Variants in TM9SF2 observed in about 807,000 individuals in gnomAD.
TM9SF2 encodes 76 kDa membrane protein.
A neutral mutation model predicts 84.9 loss-of-function variants in TM9SF2; 13 were observed. The ratio of observed to expected loss-of-function variants is 0.15; its 90% CI spans 0.10 to 0.24. TM9SF2 has a LOEUF of 0.24. TM9SF2 is among the 10% of genes least tolerant of loss of function. The probability of loss-of-function intolerance (pLI) is 1.00; values close to 1 mark genes in which losing one functional copy is unlikely to be tolerated. For missense variants in TM9SF2, 562 were observed against 818.5 expected, an observed-to-expected ratio of 0.69 and a Z score of 3.82; for synonymous variants, 273 against 285.8, an observed-to-expected ratio of 0.96 and a Z score of 0.45.
chr13:99,541,628 G>A lies in TM9SF2; in HGVS notation c.978G>A (p.Leu326=). The change falls in exon 9 of 17, where the codon CTG becomes CTA. Residue 326 remains leucine, a synonymous_variant. Transcript: ENST00000376387. ...GMVAMIMLRT[L]HKDIARYNQM... is the part of the protein sequence containing the mutation. ...TAGCTATGATTATGTTACGGACACTGCACAAAGATATTGCTAGATATAATC... is the reference window on the plus strand; with the variant it reads ...TAGCTATGATTATGTTACGGACACTACACAAAGATATTGCTAGATATAATC... 1 of 1,612,782 alleles carries A rather than the reference G, an allele frequency of 6.2e-7. No homozygotes were observed.
In TM9SF2 at chr13:99,501,673, C is replaced by T; in HGVS notation, c.67C>T (p.Leu23=). The change falls in exon 1 of 17, where the codon CTG becomes TTG. Residue 23 remains leucine, a synonymous_variant. Coordinates refer to ENST00000376387, the MANE Select transcript of TM9SF2 (RefSeq NM_004800.3). ...WPRLLLLSLL[L]LGAVPGPRRS... is the part of the protein sequence containing the mutation. ...GCGGCTGTTGCTGCTGTCGCTGCTC[C>T]TGCTGGGGGCGGTTCCTGGCCCGCG... The T allele has an allele frequency of 6.2e-7, 1 of 1,613,304 alleles. No individual in the cohort carries two copies. The highest frequency in any genetic ancestry group is 8.5e-7 in the Non-Finnish European group (1 of 1,179,774).
rs758367816 is a variant in TM9SF2 at position 99,501,754 on chromosome 13, G to A, written c.148G>A (p.Glu50Lys). ...GLAPVNFCDE[E>K]KKSDECKAEI... ...GGCGCCCGTCAACTTCTGCGACGAA[G>A]AAAAAAAGAGCGACGAGTGCAAGGT... Residue 50 changes from glutamate to lysine, a missense_variant, in exon 1 of 17, where the codon GAA (glutamate) becomes AAA (lysine). Glu to Lys is a moderately conservative substitution (Grantham distance 56). Around this residue, in one of 4 missense-constraint regions of TM9SF2, gnomAD observed 267 missense variants for 316.7 expected, o/e 0.84. Coordinates refer to ENST00000376387, the MANE Select transcript of TM9SF2 (RefSeq NM_004800.3). 1.9e-6 allele frequency: 3 copies of A among 1,608,934 alleles called. No individual in the cohort carries two copies. Among genetic ancestry groups the A allele is most frequent in the Non-Finnish European group, 8.5e-7 (1 of 1,178,748 alleles).
At chr13:99,533,043 A>G (rs1594053601) in intron 4 of TM9SF2, among the ~76,000 whole-genome samples, 2 of 152,336 alleles carry the variant, frequency 1.3e-5, no homozygotes, top group South Asian at 2.1e-4. Flanking sequence ...GACCTATTTC[A>G]GAGAGATTTT....
At position 99,501,474 on chromosome 13, in the gene TM9SF2, C is replaced by T. The variant is rs917379499; in HGVS notation, c.-133C>T. The T allele has an allele frequency of 2.3e-4, 279 of 1,195,066 alleles. 1 individual carries two copies. Among genetic ancestry groups the T allele is most frequent in the Middle Eastern group, 3.0e-4 (1 of 3,376 alleles). 74.0% of individuals were successfully genotyped at this position (1,195,066 alleles called of 1,614,324 possible). A position where few individuals can be genotyped will look rare whatever the true frequency, so the allele number is the denominator to read the frequency against. On this transcript the variant is annotated 5_prime_UTR_variant, in exon 1 of 17. Coordinates refer to ENST00000376387, the MANE Select transcript of TM9SF2 (RefSeq NM_004800.3). ...TTGCGGGACCCGGGGTGTCTCCTAG[C>T]GCAACCGGAACTAGCCTTCTGGGGG...
Position 99,562,838 on chromosome 13 carries a change from G to C in TM9SF2, c.*80G>C. ...AGACCTGTTTTTGTGACTGCCTTGA[G>C]TTTTATCAGAATTATTGGCCTAGTA... On this transcript the variant is annotated 3_prime_UTR_variant, in exon 17 of 17. Transcript: ENST00000376387. The C allele has an allele frequency of 7.3e-7, 1 of 1,372,748 alleles. No individual in the cohort carries two copies. Among genetic ancestry groups the C allele is most frequent in the Non-Finnish European group, 1.0e-6 (1 of 978,272 alleles). 85.0% of individuals were successfully genotyped at this position (1,372,748 alleles called of 1,614,324 possible).
intron 15 of TM9SF2, among the ~76,000 whole-genome samples, chr13:99,556,728 C>T (rs1230729919): frequency 3.9e-5 from 6 of 152,146 alleles, no homozygotes; most frequent in Admixed American, 2.6e-4. Context: ...GGACTACAGG[C>T]GCCTGCCACC....
chr13:99,519,907 G>A, intron 2 of TM9SF2, 129 bp from the exon 3 acceptor site: 1 of 670,056 alleles, frequency 1.5e-6, no homozygotes, highest in South Asian at 2.2e-5. Flanking sequence ...TTGGAGTATG[G>A]ATAGATTTCT....
At chr13:99,531,502 C>T (rs576557862) in intron 4 of TM9SF2, among the ~76,000 whole-genome samples, 231 of 152,190 alleles carry the variant, frequency 1.5e-3, no homozygotes, top group Non-Finnish European at 2.5e-3. Flanking sequence ...CCCCACCCAA[C>T]CCCCATATGC....
At chr13:99,560,040 G>C (rs543253372) in intron 16 of TM9SF2, among the ~76,000 whole-genome samples, 1 of 152,050 alleles carries the variant, frequency 6.6e-6, no homozygotes, top group East Asian at 1.9e-4. Context: ...GTATTTTATT[G>C]GTATTTATTT....
Position 99,501,720 on chromosome 13 carries a change from G to A in TM9SF2, c.114G>A (p.Leu38=), listed in dbSNP as rs756622886. The A allele has an allele frequency of 4.3e-6, 7 of 1,612,118 alleles. No individual in the cohort carries two copies. The highest frequency in any genetic ancestry group is 1.3e-5 in the African/African-American group (1 of 74,912). ...PGPRRSGAFY[L]PGLAPVNFCD... ...CGCGCCGGAGCGGCGCTTTCTACCT[G>A]CCCGGCCTGGCGCCCGTCAACTTCT... Residue 38 remains leucine (L), a synonymous_variant, in exon 1 of 17, where the codon CTG becomes CTA. Coordinates refer to ENST00000376387, the MANE Select transcript of TM9SF2 (RefSeq NM_004800.3).
chr13:99,524,333 G>C (rs550760468), intron 3 of TM9SF2, among the ~76,000 whole-genome samples: 166 of 152,228 alleles, frequency 1.1e-3, no homozygotes, highest in African/African-American at 3.9e-3. Flanking sequence ...TGTGAATCTG[G>C]CTGTGTTTTG....
intron 4 of TM9SF2, among the ~76,000 whole-genome samples, chr13:99,533,523 A>G (rs2139091615): frequency 6.6e-6 from 1 of 152,326 alleles, no homozygotes; most frequent in East Asian, 1.9e-4. Flanking sequence ...CTTTTCCATA[A>G]TTTCATAATT....
At chr13:99,532,201 G>A (rs1339255284) in intron 4 of TM9SF2, among the ~76,000 whole-genome samples, 3 of 151,642 alleles carry the variant, frequency 2.0e-5, no homozygotes, top group African/African-American at 7.3e-5. Flanking sequence ...ACAGGCGCCC[G>A]CCACCATGCC....
intron 15 of TM9SF2, among the ~76,000 whole-genome samples, chr13:99,557,818 C>T (rs1764291278): frequency 6.6e-6 from 1 of 152,112 alleles, no homozygotes. Flanking sequence ...GCCATGATTA[C>T]ACCACTGCAC....
At chr13:99,503,730 A>G (rs193260071) in intron 1 of TM9SF2, among the ~76,000 whole-genome samples, 6,588 of 143,854 alleles carry the variant, frequency 0.046, 205 homozygotes, top group Admixed American at 0.093. Context: ...AAAAAAAAAA[A>G]AAGAAGAAGA....
intron 1 of TM9SF2, among the ~76,000 whole-genome samples, chr13:99,510,126 C>T (rs775079336): frequency 2.9e-4 from 44 of 152,318 alleles, no homozygotes; most frequent in Non-Finnish European, 3.5e-4. Context: ...AGACGTAACA[C>T]GTGTGACCTT....
intron 4 of TM9SF2, among the ~76,000 whole-genome samples, chr13:99,531,537 T>C (rs1047849949): frequency 6.6e-6 from 1 of 152,084 alleles, no homozygotes; most frequent in Non-Finnish European, 1.5e-5. Context: ...TGCTGAGTCC[T>C]GTGCACAGCC....
intron 14 of TM9SF2, among the ~76,000 whole-genome samples, chr13:99,554,867 T>C (rs1391732652): frequency 6.6e-6 from 1 of 152,218 alleles, no homozygotes; most frequent in East Asian, 1.9e-4. Flanking sequence ...GAAGATCCTC[T>C]GAGCACTTGT....
chr13:99,514,140 G>C (rs2046124577), intron 1 of TM9SF2: 1 of 152,208 alleles, frequency 6.6e-6, no homozygotes, highest in Admixed American at 6.5e-5. Context: ...CTATTGCCTA[G>C]TGACATCATA....
Sources: gnomAD v4.1 joint callset for allele counts (sites outside exome capture counted in the v4.1 genomes callset) on GRCh38, gnomAD v4.1.1 for gene constraint, gnomAD v4.1.1 regional missense constraint, MANE v1.5 for transcripts, NCBI Gene and HGNC (gene_info 2026-07-23, HGNC 2026-07-21) for gene names.